The following PDE2A variants were observed in gnomAD, a reference collection of about 807,000 sequenced individuals.
The protein encoded by PDE2A is cGMP-dependent 3',5'-cyclic phosphodiesterase.
A neutral mutation model predicts 133.6 loss-of-function variants in PDE2A; 53 were observed. The observed-to-expected ratio is 0.40, with a 90% CI of 0.32 to 0.50. PDE2A has a LOEUF of 0.50. PDE2A is among the 20% of genes least tolerant of loss of function. The pLI is 0.73. For synonymous variants in PDE2A, 491 were observed against 490.2 expected (o/e 1.00, Z -0.02); for missense variants, 796 against 1,232.4 (o/e 0.65, Z 5.30).
At chr11:72,654,212 G>A (rs1317670483) in intron 1 of PDE2A, among the ~76,000 whole-genome samples, 4 of 152,318 alleles carry the variant, frequency 2.6e-5, no homozygotes, top group East Asian at 3.9e-4. Context: ...CCCACCCAGC[G>A]CTGGGACCAG....
chr11:72,616,434 C>A (rs1282344513), intron 2 of PDE2A, among the ~76,000 whole-genome samples: 1 of 152,194 alleles, frequency 6.6e-6, no homozygotes, highest in Admixed American at 6.5e-5. Flanking sequence ...TGTCCTGCCC[C>A]TCTCCAGGTC....
intron 1 of PDE2A, among the ~76,000 whole-genome samples, chr11:72,662,518 T>C (rs1468480493): frequency 2.0e-5 from 3 of 152,026 alleles, no homozygotes; most frequent in African/African-American, 2.4e-5. Context: ...GGTGACACAG[T>C]TTTGCTTTAG....
intron 2 of PDE2A, among the ~76,000 whole-genome samples, chr11:72,624,087 G>A (rs550818085): frequency 1.1e-4 from 16 of 151,854 alleles, no homozygotes; most frequent in Admixed American, 5.2e-4. Flanking sequence ...TGCCCCCTGG[G>A]TTCAAGTGAT....
At position 72,642,306 on chromosome 11, in the gene PDE2A, A is replaced by G; in HGVS notation, c.92T>C (p.Leu31Pro). The change falls in exon 2 of 31, where the codon CTC becomes CCC. Residue 31 changes from leucine (L) to proline (P), a missense_variant. Transcript: ENST00000334456. ...PAEPRGQQVF[L>P]KPDEPPPPPQ... ...CGGCGGCGGCGGCTCGTCCGGCTTG[A>G]GGAAGACCTGCTGGCCCCGCCTGAG... The G allele has an allele frequency of 6.5e-7, 1 of 1,536,448 alleles. No individual in the cohort carries two copies. Among genetic ancestry groups the G allele is most frequent in the Non-Finnish European group, 8.7e-7 (1 of 1,144,374 alleles).
chr11:72,636,474 C>A (rs1286904894), intron 2 of PDE2A, among the ~76,000 whole-genome samples: 1 of 152,206 alleles, frequency 6.6e-6, no homozygotes, highest in East Asian at 1.9e-4. Context: ...GCTGTAGCAG[C>A]CCTGGGCCGG....
In PDE2A at chr11:72,591,330, A is replaced by G. The variant is rs1310813464; in HGVS notation, c.516T>C (p.Asn172=). The G allele has an allele frequency of 1.7e-5, 28 of 1,613,686 alleles. No individual in the cohort carries two copies. The highest frequency in any genetic ancestry group is 2.4e-5 in the Non-Finnish European group (28 of 1,179,824). The change falls in exon 7 of 31, where the codon AAT becomes AAC. Residue 172 remains asparagine, a synonymous_variant. Transcript: ENST00000334456. ...ILVHCGQLSD[N]EEWSLQAVEK... is the part of the protein sequence containing the mutation. ...CCACCGCCTGCAGGCTCCATTCCTC[A>G]TTATCACTCAGCTGGCCACAGTGCA... is the stretch of plus-strand genomic sequence containing the variant.
In PDE2A at chr11:72,590,017, C is replaced by G. The variant is rs768552523; in HGVS notation, c.757-36G>C. On this transcript the variant is annotated intron_variant, in intron 9 of 30. Coordinates refer to ENST00000334456, the MANE Select transcript of PDE2A (RefSeq NM_002599.5). This position sits in a 1 kb window ranked among gnomAD's most constrained non-coding sequence, Gnocchi z 4.8. ...GACAGGCAGGGCGAGGGGGTGACCG[C>G]GGATCCGGGTCACCCCACTCCCCAC... is the stretch of plus-strand genomic sequence containing the variant. 6.4e-7 allele frequency: 1 copy of G among 1,572,446 alleles called. No homozygotes were observed. Among genetic ancestry groups the G allele is most frequent in the Non-Finnish European group, 8.7e-7 (1 of 1,152,666 alleles).
intron 30 of PDE2A, 98 bp from the exon 31 acceptor site, chr11:72,577,692 G>T: frequency 2.4e-6 from 2 of 838,414 alleles, no homozygotes; most frequent in East Asian, 2.5e-5. Flanking sequence ...TTCCACAAGG[G>T]CCAGGTACGG....
At position 72,666,792 on chromosome 11, in the gene PDE2A, T is replaced by C. The variant is rs566851729; in HGVS notation, c.71+7345A>G. On this transcript the variant is annotated intron_variant, in intron 1 of 30. Transcript: ENST00000334456. ...CCACAGTCACATGCATATAACTGTT[T>C]ACCAAAATCAGACATAAAGATGGAC... 5.2e-4 allele frequency among the ~76,000 whole-genome samples: 79 copies of C among 152,320 alleles called. 1 individual carries two copies. In the South Asian group the frequency reaches 0.012, roughly 23 times the overall value.
intron 30 of PDE2A, among the ~76,000 whole-genome samples, chr11:72,577,902 G>C (rs562593038): frequency 1.3e-5 from 2 of 152,182 alleles, no homozygotes; most frequent in South Asian, 2.1e-4. Flanking sequence ...AACCCAGGAG[G>C]GGGAGGTTGC....
At chr11:72,592,235 C>T (rs1483656259) in intron 6 of PDE2A, among the ~76,000 whole-genome samples, 1 of 152,166 alleles carries the variant, frequency 6.6e-6, no homozygotes, top group Non-Finnish European at 1.5e-5. Flanking sequence ...GCAAGGCTCC[C>T]CACCTGCGTC....
At chr11:72,644,857 A>G (rs893125071) in intron 1 of PDE2A, among the ~76,000 whole-genome samples, 1 of 152,148 alleles carries the variant, frequency 6.6e-6, no homozygotes, top group African/African-American at 2.4e-5. Context: ...CCCGGGTTCA[A>G]GCAATTCTCC....
At chr11:72,620,552 T>C (rs1857707630) in intron 2 of PDE2A, among the ~76,000 whole-genome samples, 1 of 152,112 alleles carries the variant, frequency 6.6e-6, no homozygotes, top group Non-Finnish European at 1.5e-5. Context: ...AGCTTTGGAC[T>C]CTGTTGGCTC....
chr11:72,637,410 C>T (rs894359794), intron 2 of PDE2A, among the ~76,000 whole-genome samples: 1 of 152,244 alleles, frequency 6.6e-6, no homozygotes, highest in Non-Finnish European at 1.5e-5. Flanking sequence ...CTCTTCCCAC[C>T]CTCTGTGCTG....
rs747438744 is a variant in PDE2A, at chr11:72,631,060, C to T, written c.144+11194G>A. The T allele has an allele frequency of 1.9e-5, 29 of 1,544,220 alleles. No homozygotes were observed. In the South Asian group the frequency reaches 3.2e-4, roughly 17 times the overall value. On this transcript the variant is annotated intron_variant, in intron 2 of 30. Transcript: ENST00000334456. ...ACCCCCTCAAGCCCACCCACTTCTC[C>T]CTCCACTGAGCTCTCACCTCCAGTC...
At chr11:72,664,234 T>G (rs1233869864) in intron 1 of PDE2A, among the ~76,000 whole-genome samples, 1 of 152,176 alleles carries the variant, frequency 6.6e-6, no homozygotes, top group Non-Finnish European at 1.5e-5. Flanking sequence ...CTGAGTAACT[T>G]GACATGTCCT....
intron 1 of PDE2A, among the ~76,000 whole-genome samples, chr11:72,653,905 A>T (rs1195393427): frequency 6.6e-6 from 1 of 152,232 alleles, no homozygotes; most frequent in African/African-American, 2.4e-5. Context: ...CCCAAGATGG[A>T]ACAATGAGGT....
At chr11:72,579,815 G>A in intron 25 of PDE2A, 1 of 554,248 alleles carries the variant, frequency 1.8e-6, no homozygotes, top group South Asian at 2.7e-5. Flanking sequence ...ACCACTCTGA[G>A]CCTCAGACTC....
chr11:72,652,094 G>A (rs1245741700), intron 1 of PDE2A, among the ~76,000 whole-genome samples: 2 of 152,202 alleles, frequency 1.3e-5, no homozygotes, highest in African/African-American at 4.8e-5. Context: ...CCCTCTCCTG[G>A]GACCAAGTGA....
Sources: allele counts gnomAD v4.1 joint callset (sites outside exome capture counted in the v4.1 genomes callset), GRCh38; gene constraint gnomAD v4.1.1; non-coding constraint Gnocchi (gnomAD v3.1); transcripts MANE v1.5; gene names NCBI Gene and HGNC (gene_info 2026-07-23, HGNC 2026-07-21).